The following NPTX1 variants were observed in gnomAD, a reference collection of about 807,000 sequenced individuals.
NPTX1 encodes the protein neuronal pentraxin 1, also known as neuronal pentraxin-1.
NPTX1 carries 12 observed loss-of-function variants against 38.7 expected under a neutral mutation model. The ratio of observed to expected loss-of-function variants is 0.31; its 90% CI spans 0.20 to 0.50. The LOEUF is 0.50. NPTX1 is among the 20% of genes least tolerant of loss of function. The probability of loss-of-function intolerance (pLI) is 0.98; values close to 1 mark genes in which losing one functional copy is unlikely to be tolerated. For synonymous variants in NPTX1, 272 were observed against 264.9 expected (o/e 1.03, Z -0.26); for missense variants, 454 against 592.2 (o/e 0.77, Z 2.42).
At position 80,473,284 on chromosome 17, in the gene NPTX1, G is replaced by A. The variant is rs752484514; in HGVS notation, c.813C>T (p.Phe271=). The A allele has an allele frequency of 6.2e-7, 1 of 1,613,936 alleles. No homozygotes were observed. The highest frequency in any genetic ancestry group is 2.2e-5 in the East Asian group (1 of 44,882). The part of the protein sequence containing the change: ...SSATPGVGTP[F]SYAVPGQANE... Reference sequence around the variant, plus strand: ...TGGCCTGGCCGGGCACAGCGTAGGAGAAGGGCGTGCCCACACCTGGCGTGG... The same window carrying A: ...TGGCCTGGCCGGGCACAGCGTAGGAAAAGGGCGTGCCCACACCTGGCGTGG... The change falls in exon 3 of 5, where the codon TTC becomes TTT. Residue 271 remains phenylalanine (F), a synonymous_variant. Transcript: ENST00000306773.
intron 2 of NPTX1, chr17:80,474,800 A>ACCCCCCCCCCCCCCCCCCCC (rs34595603): frequency 2.6e-5 from 3 of 114,704 alleles, no homozygotes; most frequent in South Asian, 3.5e-4. Flanking sequence ...CGCACCGGGC[A>ACCCCCCCCCCCCCCCCCCCC]CCCCCCCCCC....
At chr17:80,471,940 G>T in intron 3 of NPTX1, 29 bp from the exon 4 acceptor site, 1 of 1,588,910 alleles carries the variant, frequency 6.3e-7, no homozygotes, top group Non-Finnish European at 8.6e-7. Flanking sequence ...GACGCCAGCT[G>T]GTGAGTACAG....
chr17:80,475,715 A>T lies in NPTX1; in HGVS notation c.448T>A (p.Tyr150Asn). Residue 150 changes from tyrosine (Y) to asparagine (N), a missense_variant, in exon 2 of 5, where the codon TAC becomes AAC. Tyr to Asn is a moderately radical substitution (Grantham distance 143). This residue lies in a region of NPTX1 where 288 missense variants were observed against 318.4 expected (regional missense o/e 0.90). Coordinates refer to ENST00000306773, the MANE Select transcript of NPTX1 (RefSeq NM_002522.4). The surrounding 1 kb of genome is among the most constrained non-coding windows in gnomAD (Gnocchi z 6.5). ...LKTRLENLEQ[Y>N]SRLNSSSQTN... ...TGGCTGGAGGAATTGAGGCGGCTGT[A>T]CTGCTGCGGGGTGCAAGGGCGGGGG... 2 of 1,609,216 alleles carry T rather than the reference A, an allele frequency of 1.2e-6. No individual in the cohort carries two copies. Among genetic ancestry groups the T allele is most frequent in the Non-Finnish European group, 1.7e-6 (2 of 1,178,194 alleles).
At position 80,476,050 on chromosome 17, in the gene NPTX1, G is replaced by C. The variant is rs376278711; in HGVS notation, c.397C>G (p.Leu133Val). 75 of 1,609,030 alleles carry C rather than the reference G, an allele frequency of 4.7e-5. No homozygotes were observed. The highest frequency in any genetic ancestry group is 6.1e-5 in the Non-Finnish European group (72 of 1,178,484). Residue 133 changes from leucine to valine, a missense_variant, in exon 1 of 5, where the codon CTC becomes GTC. Physicochemically the swap from Leu to Val is conservative, Grantham distance 32. This residue lies in a region of NPTX1 where 288 missense variants were observed against 318.4 expected (regional missense o/e 0.90). Coordinates refer to ENST00000306773, the MANE Select transcript of NPTX1 (RefSeq NM_002522.4). This position sits in a 1 kb window ranked among gnomAD's most constrained non-coding sequence, Gnocchi z 6.3. ...RTPAAETLSQLGQTLQSLKTR... is the reference protein window; with the variant it reads ...RTPAAETLSQVGQTLQSLKTR... ...TTGAGCGATTGCAAAGTTTGCCCGA[G>C]TTGGCTGAGCGTCTCGGCGGCCGGT... is the stretch of plus-strand genomic sequence containing the variant.
At position 80,467,601 on chromosome 17, in the gene NPTX1, C is replaced by T. The variant is rs1483925357; in HGVS notation, c.*3212G>A. 1 of 152,440 alleles carries T rather than the reference C, an allele frequency of 6.6e-6. No individual in the cohort carries two copies. The highest frequency in any genetic ancestry group is 1.5e-5 in the Non-Finnish European group (1 of 68,028). 9.4% of individuals were successfully genotyped at this position (152,440 alleles called of 1,614,324 possible). A position where few individuals can be genotyped will look rare whatever the true frequency, so the allele number is the denominator to read the frequency against. On this transcript the variant is annotated 3_prime_UTR_variant, in exon 5 of 5. Coordinates refer to ENST00000306773, the MANE Select transcript of NPTX1 (RefSeq NM_002522.4). ...TCACCCCCTCACTGCCCACAAGACA[C>T]CCCCTTGGTCTCAGGTCCCAGGGCT... is the stretch of plus-strand genomic sequence containing the variant.
At chr17:80,473,737 C>T (rs993458830) in intron 2 of NPTX1, 3 of 450,646 alleles carry the variant, frequency 6.7e-6, no homozygotes, top group Non-Finnish European at 1.2e-5. Flanking sequence ...TGGGCTGCTG[C>T]ATCAACACTG....
Position 80,470,582 on chromosome 17 carries a change from T to A in NPTX1, c.*231A>T, listed in dbSNP as rs761158546. On this transcript the variant is annotated 3_prime_UTR_variant, in exon 5 of 5. Coordinates refer to ENST00000306773, the MANE Select transcript of NPTX1 (RefSeq NM_002522.4). ...ACCCACTTCAGCTGTGAATGGGGCATGCCTGAGAGAGTCCGGGCTCCTACA... is the reference window on the plus strand; with the variant it reads ...ACCCACTTCAGCTGTGAATGGGGCAAGCCTGAGAGAGTCCGGGCTCCTACA... The A allele has an allele frequency of 4.3e-5, 20 of 463,258 alleles. No homozygotes were observed. Among genetic ancestry groups the A allele is most frequent in the Non-Finnish European group, 7.8e-5 (20 of 255,408 alleles). 28.7% of individuals were successfully genotyped at this position (463,258 alleles called of 1,614,324 possible).
chr17:80,470,891 G>A lies in NPTX1; in HGVS notation c.1221C>T (p.Ile407=), dbSNP rs755649715. Residue 407 remains isoleucine, a synonymous_variant, in exon 5 of 5, where the codon ATC becomes ATT. Transcript: ENST00000306773. ...CSTKALSGNV[I]AWAESHIEIY... ...TCTCGATGTGGGATTCAGCCCAGGC[G>A]ATGACATTGCCGGACAGAGCCTTGG... The A allele has an allele frequency of 1.9e-5, 31 of 1,613,162 alleles. No homozygotes were observed. Among genetic ancestry groups the A allele is most frequent in the East Asian group, 4.5e-5 (2 of 44,838 alleles).
At chr17:80,473,523 G>C in intron 2 of NPTX1, 79 bp from the exon 3 acceptor site, 1 of 1,427,968 alleles carries the variant, frequency 7.0e-7, no homozygotes, top group South Asian at 1.2e-5. Flanking sequence ...TCCCCACCAA[G>C]CTCTGTGATG....
rs746283718 is a variant in NPTX1 at position 80,475,553 on chromosome 17, C to T, written c.610G>A (p.Ala204Thr). Residue 204 changes from alanine to threonine, a missense_variant, in exon 2 of 5, where the codon GCC (alanine) becomes ACC (threonine). By Grantham distance (58) the Ala-to-Thr change is moderately conservative (BLOSUM62 0). Around this residue, in one of 4 missense-constraint regions of NPTX1, gnomAD observed 288 missense variants for 318.4 expected, o/e 0.90. Transcript: ENST00000306773. The surrounding 1 kb of genome is among the most constrained non-coding windows in gnomAD (Gnocchi z 6.5). ...DTEERVKIET[A>T]LTSLHQRISE... Reference sequence around the variant, plus strand: ...ATCCGCTGGTGCAGGGAGGTCAGGGCGGTCTCGATCTTGACCCTCTCCTCG... The same window carrying T: ...ATCCGCTGGTGCAGGGAGGTCAGGGTGGTCTCGATCTTGACCCTCTCCTCG... 1.9e-6 allele frequency: 3 copies of T among 1,612,708 alleles called. No individual in the cohort carries two copies. The highest frequency in any genetic ancestry group is 1.7e-5 in the Admixed American group (1 of 59,988).
In NPTX1 at chr17:80,468,380, T is replaced by C. The variant is rs1429186642; in HGVS notation, c.*2433A>G. On this transcript the variant is annotated 3_prime_UTR_variant, in exon 5 of 5. Transcript: ENST00000306773. ...GCTAGTCAGGGCAGAGGATGGCTCATGGTCCTGAACGGACAGCTCCCACCT... is the reference window on the plus strand; with the variant it reads ...GCTAGTCAGGGCAGAGGATGGCTCACGGTCCTGAACGGACAGCTCCCACCT... The C allele has an allele frequency of 6.6e-6, 1 of 152,378 alleles. No individual in the cohort carries two copies. The highest frequency in any genetic ancestry group is 6.5e-5 in the Admixed American group (1 of 15,294). The allele number at this position is 152,378 out of a possible 1,614,324, so 9.4% of individuals were successfully genotyped here.
chr17:80,472,015 A>T, intron 3 of NPTX1, 104 bp from the exon 4 acceptor site: 3 of 1,061,644 alleles, frequency 2.8e-6, no homozygotes, highest in Non-Finnish European at 4.0e-6. Context: ...TGCAAAGTAA[A>T]TGTCAATAAC....
chr17:80,474,803 C>CG, intron 2 of NPTX1: 1 of 137,782 alleles, frequency 7.3e-6, no homozygotes, highest in Middle Eastern at 3.8e-3. Flanking sequence ...ACCGGGCACC[C>CG]CCCCCCCTCC....
In NPTX1 at chr17:80,468,066, A is replaced by AT. The variant is rs1481448022; in HGVS notation, c.*2746dup. On this transcript the variant is annotated 3_prime_UTR_variant, in exon 5 of 5. Coordinates refer to ENST00000306773, the MANE Select transcript of NPTX1 (RefSeq NM_002522.4). ...AATGGCTTACCTGAGAGAGGCATGTATTATTCAGTGCAAGAGGGAACATCA... is the reference window on the plus strand; with the variant it reads ...AATGGCTTACCTGAGAGAGGCATGTATTTATTCAGTGCAAGAGGGAACATCA... 6.6e-6 allele frequency: 1 copy of AT among 152,668 alleles called. No individual in the cohort carries two copies. Among genetic ancestry groups the AT allele is most frequent in the Non-Finnish European group, 1.5e-5 (1 of 68,052 alleles). The allele number at this position is 152,668 out of a possible 1,614,324, so 9.5% of individuals were successfully genotyped here.
Position 80,468,276 on chromosome 17 carries a change from A to G in NPTX1, c.*2537T>C. 1 of 153,244 alleles carries G rather than the reference A, an allele frequency of 6.5e-6. No individual in the cohort carries two copies. Among genetic ancestry groups the G allele is most frequent in the Non-Finnish European group, 1.5e-5 (1 of 68,430 alleles). 9.5% of individuals were successfully genotyped at this position (153,244 alleles called of 1,614,324 possible). ...TCGGCCCTGGCACCATGGGTGGGTC[A>G]GAGGAGGGGTGAGGAAGGTGAGCGG... is the stretch of plus-strand genomic sequence containing the variant. On this transcript the variant is annotated 3_prime_UTR_variant, in exon 5 of 5. Transcript: ENST00000306773.
rs1476212712 is a variant in NPTX1 at position 80,475,478 on chromosome 17, G to A, written c.652+33C>T. ...AGGCAGGGTCGGGCAAGCAGGTGCA[G>A]GCAGGCAGCACGGCTCCCCCTGGCC... On this transcript the variant is annotated intron_variant, in intron 2 of 4. Coordinates refer to ENST00000306773, the MANE Select transcript of NPTX1 (RefSeq NM_002522.4). The surrounding 1 kb of genome is among the most constrained non-coding windows in gnomAD (Gnocchi z 6.5). The A allele has an allele frequency of 6.7e-7, 1 of 1,485,274 alleles. No homozygotes were observed. The highest frequency in any genetic ancestry group is 1.2e-5 in the South Asian group (1 of 81,524). 92.0% of individuals were successfully genotyped at this position (1,485,274 alleles called of 1,614,324 possible).
chr17:80,473,182 G>T lies in NPTX1; in HGVS notation c.897+18C>A, dbSNP rs771687598. On this transcript the variant is annotated intron_variant, in intron 3 of 4. Transcript: ENST00000306773. ...GGGGCCTCGCCCTGCCGCCCTGTGA[G>T]CCCGGGGGCTGCTCTACCTTGTCAT... The T allele has an allele frequency of 5.0e-6, 8 of 1,608,820 alleles. No individual in the cohort carries two copies. The highest frequency in any genetic ancestry group is 6.8e-6 in the Non-Finnish European group (8 of 1,178,414).
In NPTX1 at chr17:80,469,274, C is replaced by T. The variant is rs565808114; in HGVS notation, c.*1539G>A. The T allele has an allele frequency of 4.6e-5, 7 of 152,462 alleles. No homozygotes were observed. Among genetic ancestry groups the T allele is most frequent in the Non-Finnish European group, 8.8e-5 (6 of 68,026 alleles). The allele number at this position is 152,462 out of a possible 1,614,324, so 9.4% of individuals were successfully genotyped here. ...CTGATGAGACTCCTGGAGACAGAGT[C>T]GGGGTGCCCTCAGGGCGTGCGACCA... is the stretch of plus-strand genomic sequence containing the variant. On this transcript the variant is annotated 3_prime_UTR_variant, in exon 5 of 5. Transcript: ENST00000306773.
Position 80,475,387 on chromosome 17 carries a change from G to A in NPTX1, c.652+124C>T. On this transcript the variant is annotated intron_variant, in intron 2 of 4. Coordinates refer to ENST00000306773, the MANE Select transcript of NPTX1 (RefSeq NM_002522.4). The surrounding 1 kb of genome is among the most constrained non-coding windows in gnomAD (Gnocchi z 6.5). ...CGGGGAATGAGAAAGCGGTGCAGGG[G>A]TTGGGGGTAGCGGAGCGGCTTGAGG... is the stretch of plus-strand genomic sequence containing the variant. The A allele has an allele frequency of 4.3e-6, 3 of 702,910 alleles. No homozygotes were observed. The highest frequency in any genetic ancestry group is 7.0e-6 in the Non-Finnish European group (3 of 425,908). 43.5% of individuals were successfully genotyped at this position (702,910 alleles called of 1,614,324 possible).
Sources: allele counts gnomAD v4.1 joint callset, GRCh38; gene constraint gnomAD v4.1.1; regional missense constraint gnomAD v4.1.1; non-coding constraint Gnocchi (gnomAD v3.1); transcripts MANE v1.5; gene names NCBI Gene and HGNC (gene_info 2026-07-23, HGNC 2026-07-21).